NRXN3: variants seen among roughly 807,000 people sequenced by gnomAD.
NRXN3 encodes neurexin 3.
Under a neutral mutation model 137.6 loss-of-function variants are expected in NRXN3, and 32 were observed. That is an observed-to-expected ratio of 0.23 (90% CI 0.18 to 0.31). NRXN3 has a LOEUF of 0.31. Among genes scored for constraint, NRXN3 ranks in the 10% least tolerant of loss-of-function variants. The pLI is 1.00. For missense variants in NRXN3, 1,574 were observed against 2,062.5 expected (o/e 0.76, Z 4.59); for synonymous variants, 798 against 784.5 (o/e 1.02, Z -0.29).
intron 15 of NRXN3, among the ~76,000 whole-genome samples, chr14:79,059,768 A>G (rs774728666): frequency 2.0e-5 from 3 of 152,230 alleles, no homozygotes; most frequent in Non-Finnish European, 2.9e-5. Context: ...TGGATGGTAG[A>G]TGAATATGAG....
intron 19 of NRXN3, among the ~76,000 whole-genome samples, chr14:79,782,077 T>G (rs2099115552): frequency 6.6e-6 from 1 of 152,152 alleles, no homozygotes; most frequent in African/African-American, 2.4e-5. Context: ...AGCTTGAAAA[T>G]TCCTCCATTC....
intron 11 of NRXN3, among the ~76,000 whole-genome samples, chr14:78,963,199 A>G (rs1408455618): frequency 1.3e-5 from 2 of 151,848 alleles, no homozygotes; most frequent in African/African-American, 4.8e-5. Flanking sequence ...TTAATTTTCT[A>G]GTGAGCAGAA....
At chr14:78,181,727 A>G (rs1457723878) in intron 1 of NRXN3, among the ~76,000 whole-genome samples, 1 of 152,130 alleles carries the variant, frequency 6.6e-6, no homozygotes, top group Non-Finnish European at 1.5e-5. Flanking sequence ...TCCCCCTGGG[A>G]TTGGTGAAAC....
At chr14:78,494,426 G>GTTTTTTT (rs1047418197) in intron 4 of NRXN3, among the ~76,000 whole-genome samples, 8 of 134,982 alleles carry the variant, frequency 5.9e-5, no homozygotes, top group South Asian at 2.3e-4. Flanking sequence ...GAGGTGTTTT[G>GTTTTTTT]TTTTTTTTTT....
At position 78,669,749 on chromosome 14, in the gene NRXN3, T is replaced by C. The variant is rs549235854; in HGVS notation, c.1221+18423T>C. Among the ~76,000 whole-genome samples, 18 of 152,288 alleles carry C rather than the reference T, an allele frequency of 1.2e-4. No homozygotes were observed. In the South Asian group the frequency reaches 3.5e-3, roughly 30 times the overall value. ...CCATATAGGGTGTCTTTTAACATGC[T>C]AATAACTATAATTAGTGTATAATGA... On this transcript the variant is annotated intron_variant, in intron 6 of 20. Coordinates refer to ENST00000335750, the MANE Select transcript of NRXN3 (RefSeq NM_001330195.2).
intron 16 of NRXN3, among the ~76,000 whole-genome samples, chr14:79,608,416 G>T (rs2098051306): frequency 6.6e-6 from 1 of 152,188 alleles, no homozygotes; most frequent in Admixed American, 6.5e-5. Context: ...ACAGAACTTG[G>T]CAAGGCTCTT....
At chr14:79,554,500 G>C (rs2097408541) in intron 16 of NRXN3, among the ~76,000 whole-genome samples, 1 of 152,136 alleles carries the variant, frequency 6.6e-6, no homozygotes, top group African/African-American at 2.4e-5. Context: ...ACACTTATTT[G>C]TTTACTTTGG....
chr14:78,702,944 C>T (rs574441019), intron 6 of NRXN3, among the ~76,000 whole-genome samples: 1 of 152,300 alleles, frequency 6.6e-6, no homozygotes, highest in Non-Finnish European at 1.5e-5. Context: ...ATATTATCTA[C>T]ATTCTACAGT....
At chr14:79,617,858 C>T (rs1163644165) in intron 16 of NRXN3, among the ~76,000 whole-genome samples, 5 of 142,330 alleles carry the variant, frequency 3.5e-5, no homozygotes, top group Non-Finnish European at 6.0e-5. Context: ...ACACTGACTC[C>T]GTTATTATTA....
chr14:78,768,034 A>T lies in NRXN3; in HGVS notation c.2045-35586A>T, dbSNP rs916560511. On this transcript the variant is annotated intron_variant, in intron 8 of 20. Coordinates refer to ENST00000335750, the MANE Select transcript of NRXN3 (RefSeq NM_001330195.2). ...GAAAAATCAAATCAAATACATTAAC[A>T]CCAATTAGATGACAACATAATCGAA... 3.3e-5 allele frequency among the ~76,000 whole-genome samples: 5 copies of T among 150,132 alleles called. No individual in the cohort carries two copies. In the East Asian group the frequency reaches 9.8e-4, roughly 30 times the overall value.
chr14:79,319,765 A>G (rs1179462633), intron 15 of NRXN3, among the ~76,000 whole-genome samples: 1 of 152,184 alleles, frequency 6.6e-6, no homozygotes, highest in Non-Finnish European at 1.5e-5. Flanking sequence ...GCTTGAGTAA[A>G]GATCTCATTG....
intron 20 of NRXN3, among the ~76,000 whole-genome samples, chr14:79,845,676 CGG>C (rs2099366222): frequency 4.0e-5 from 4 of 100,496 alleles, no homozygotes; most frequent in Non-Finnish European, 7.7e-5. Context: ...GAGACGGAGA[CGG>C]GGAGAGAGAC....
At chr14:79,652,922 C>T (rs922929452) in intron 16 of NRXN3, among the ~76,000 whole-genome samples, 1 of 151,806 alleles carries the variant, frequency 6.6e-6, no homozygotes, top group South Asian at 2.1e-4. Context: ...AAGGACCCAC[C>T]TTTTGAATTA....
chr14:78,784,727 G>C (rs1244892097), intron 8 of NRXN3, among the ~76,000 whole-genome samples: 1 of 152,196 alleles, frequency 6.6e-6, no homozygotes, highest in Non-Finnish European at 1.5e-5. Context: ...GATGATTTCG[G>C]AAGTCTAGTT....
At chr14:78,246,226 T>A (rs555709782) in intron 2 of NRXN3, among the ~76,000 whole-genome samples, 2 of 152,310 alleles carry the variant, frequency 1.3e-5, no homozygotes, top group Admixed American at 1.3e-4. Context: ...GGAAAAAAAA[T>A]CTCTATACTG....
intron 8 of NRXN3, among the ~76,000 whole-genome samples, chr14:78,740,644 T>A (rs2152926248): frequency 6.6e-6 from 1 of 151,818 alleles, no homozygotes; most frequent in African/African-American, 2.4e-5. Flanking sequence ...TGTTAACACC[T>A]AGTGTTCTTC....
intron 14 of NRXN3, among the ~76,000 whole-genome samples, chr14:78,982,786 G>A (rs891153965): frequency 2.6e-5 from 4 of 152,226 alleles, no homozygotes; most frequent in African/African-American, 9.6e-5. Flanking sequence ...ATAAACAAAT[G>A]AGATTGCATG....
chr14:79,569,702 G>A (rs954435549), intron 16 of NRXN3, among the ~76,000 whole-genome samples: 6 of 151,926 alleles, frequency 3.9e-5, no homozygotes, highest in Non-Finnish European at 5.9e-5. Flanking sequence ...TCCGTCTCCC[G>A]GGTTCAAGTG....
chr14:78,206,520 A>G lies in NRXN3; in HGVS notation c.-704+35846A>G, dbSNP rs116724890. On this transcript the variant is annotated intron_variant, in intron 1 of 20. Coordinates refer to ENST00000335750, the MANE Select transcript of NRXN3 (RefSeq NM_001330195.2). ...AGAATGCTTCTCTCTCTGTAAATAAAGAGGAACAAAGGCCCAGAGAGCCCA... is the reference window on the plus strand; with the variant it reads ...AGAATGCTTCTCTCTCTGTAAATAAGGAGGAACAAAGGCCCAGAGAGCCCA... Among the ~76,000 whole-genome samples the G allele has an allele frequency of 3.3e-3, 497 of 152,274 alleles. 7 individuals carry two copies. Among genetic ancestry groups the G allele is most frequent in the African/African-American group, 0.012 (482 of 41,546 alleles).
Sources: gnomAD v4.1 joint callset for allele counts (sites outside exome capture counted in the v4.1 genomes callset) on GRCh38, gnomAD v4.1.1 for gene constraint, MANE v1.5 for transcripts, NCBI Gene and HGNC (gene_info 2026-07-23, HGNC 2026-07-21) for gene names.